Variants in TMEM132D observed in about 807,000 individuals in gnomAD.
TMEM132D encodes the protein mature OL transmembrane protein.
TMEM132D carries 21 observed loss-of-function variants against 62.3 expected under a neutral mutation model. That is an observed-to-expected ratio of 0.34 (90% CI 0.24 to 0.49). The LOEUF (loss-of-function observed/expected upper bound fraction) is 0.49. Ranked by LOEUF, TMEM132D falls within the 20% of genes least tolerant of loss-of-function variation. The probability of loss-of-function intolerance (pLI) is 0.99; values close to 1 mark genes in which losing one functional copy is unlikely to be tolerated. For missense variants in TMEM132D, 1,346 were observed against 1,402.8 expected, an observed-to-expected ratio of 0.96 and a Z score of 0.65; for synonymous variants, 621 against 575.6, an observed-to-expected ratio of 1.08 and a Z score of -1.13.
At chr12:129,577,931 G>C (rs897548668) in intron 2 of TMEM132D, among the ~76,000 whole-genome samples, 3 of 152,234 alleles carry the variant, frequency 2.0e-5, no homozygotes, top group Admixed American at 6.5e-5. Flanking sequence ...ACAAGCTGGA[G>C]AGATTAGCAT....
chr12:129,565,051 A>G (rs1431003471), intron 2 of TMEM132D, among the ~76,000 whole-genome samples: 1 of 152,230 alleles, frequency 6.6e-6, no homozygotes, highest in Non-Finnish European at 1.5e-5. Context: ...GGCTAGCCAC[A>G]TGCTGATGAG....
intron 5 of TMEM132D, among the ~76,000 whole-genome samples, chr12:129,207,548 A>T (rs1446069302): frequency 6.6e-6 from 1 of 152,156 alleles, no homozygotes; most frequent in South Asian, 2.1e-4. Flanking sequence ...CCGTACAGGC[A>T]TCCAGGGAAA....
intron 3 of TMEM132D, among the ~76,000 whole-genome samples, chr12:129,389,320 T>C (rs1470634854): frequency 6.6e-6 from 1 of 151,860 alleles, no homozygotes. Context: ...CAAACACTAA[T>C]ATTAACACAA....
At chr12:129,587,378 T>C (rs1260990098) in intron 2 of TMEM132D, among the ~76,000 whole-genome samples, 2 of 152,094 alleles carry the variant, frequency 1.3e-5, no homozygotes, top group Non-Finnish European at 2.9e-5. Context: ...GGATACACAC[T>C]GGGCCTATGT....
intron 2 of TMEM132D, among the ~76,000 whole-genome samples, chr12:129,650,180 T>C (rs1156578720): frequency 6.6e-6 from 1 of 152,236 alleles, no homozygotes; most frequent in Non-Finnish European, 1.5e-5. Context: ...ATTTTATATA[T>C]AATTGTTTTG....
Position 129,560,339 on chromosome 12 carries a change from G to A in TMEM132D, c.969-29134C>T, listed in dbSNP as rs891196572. ...GGCTGGAGTGCAGTGGCACGATCTCGGCTCACCACAACCTCCACTTCCCAG... is the reference window on the plus strand; with the variant it reads ...GGCTGGAGTGCAGTGGCACGATCTCAGCTCACCACAACCTCCACTTCCCAG... On this transcript the variant is annotated intron_variant, in intron 2 of 8. Transcript: ENST00000422113. Among the ~76,000 whole-genome samples, 7 of 149,342 alleles carry A rather than the reference G, an allele frequency of 4.7e-5. No homozygotes were observed. In the South Asian group the frequency reaches 1.1e-3, roughly 23 times the overall value.
In TMEM132D at chr12:129,074,690, T is replaced by C. The variant is rs748181212; in HGVS notation, c.2485A>G (p.Lys829Glu). 1.9e-6 allele frequency: 3 copies of C among 1,614,190 alleles called. No individual in the cohort carries two copies. Among genetic ancestry groups the C allele is most frequent in the South Asian group, 2.2e-5 (2 of 91,078 alleles). ...ENNVSDRRPK[K>E]PSQEWGSQEG... ...TGACTCCCCCATTCCTGCGAGGGTT[T>C]TTTGGGCCTTCTGTCACTGACATTG... is the stretch of plus-strand genomic sequence containing the variant. The change falls in exon 9 of 9, where the codon AAA (lysine) becomes GAA (glutamate). Residue 829 changes from lysine to glutamate, a missense_variant. Physicochemically the swap from Lys to Glu is moderately conservative, Grantham distance 56. Transcript: ENST00000422113.
intron 1 of TMEM132D, among the ~76,000 whole-genome samples, chr12:129,861,586 C>A (rs1180063666): frequency 2.0e-5 from 3 of 151,998 alleles, no homozygotes; most frequent in Non-Finnish European, 4.4e-5. Flanking sequence ...CATGGCGAAA[C>A]CCCATCTCTA....
chr12:129,309,323 G>C (rs760538574), intron 4 of TMEM132D, among the ~76,000 whole-genome samples: 5 of 152,078 alleles, frequency 3.3e-5, no homozygotes, highest in Non-Finnish European at 5.9e-5. Context: ...CAAAGGGAAG[G>C]CATAGTCCAA....
At chr12:129,576,456 G>A (rs950773917) in intron 2 of TMEM132D, among the ~76,000 whole-genome samples, 3 of 151,686 alleles carry the variant, frequency 2.0e-5, no homozygotes, top group Non-Finnish European at 4.4e-5. Context: ...GTGTATAGGT[G>A]TGTATAAACA....
intron 2 of TMEM132D, among the ~76,000 whole-genome samples, chr12:129,556,630 T>C (rs544348717): frequency 6.6e-6 from 1 of 152,354 alleles, no homozygotes; most frequent in African/African-American, 2.4e-5. Context: ...TTTTTATACC[T>C]GGTAGTCCAA....
chr12:129,845,026 G>A (rs996696116), intron 1 of TMEM132D, among the ~76,000 whole-genome samples: 1 of 152,150 alleles, frequency 6.6e-6, no homozygotes, highest in African/African-American at 2.4e-5. Context: ...CACGGAGCCA[G>A]CTGGTAAAAT....
intron 1 of TMEM132D, among the ~76,000 whole-genome samples, chr12:129,895,673 T>C (rs995275231): frequency 6.6e-6 from 1 of 152,170 alleles, no homozygotes; most frequent in Non-Finnish European, 1.5e-5. Flanking sequence ...TAGGACAGAG[T>C]GTCTTCATTT....
At chr12:129,822,898 C>T (rs1872574432) in intron 1 of TMEM132D, among the ~76,000 whole-genome samples, 1 of 152,186 alleles carries the variant, frequency 6.6e-6, no homozygotes, top group African/African-American at 2.4e-5. Flanking sequence ...TTCACACTGA[C>T]ATGGTTTGGC....
chr12:129,518,846 G>C (rs1297499395), intron 3 of TMEM132D, among the ~76,000 whole-genome samples: 1 of 151,916 alleles, frequency 6.6e-6, no homozygotes, highest in Non-Finnish European at 1.5e-5. Flanking sequence ...ACCGTGCTTA[G>C]GTATAATACT....
intron 3 of TMEM132D, among the ~76,000 whole-genome samples, chr12:129,505,442 G>A (rs371122245): frequency 2.1e-4 from 32 of 151,998 alleles, no homozygotes; most frequent in Non-Finnish European, 3.1e-4. Flanking sequence ...ATGGGGTTTC[G>A]CCATGTTAGC....
chr12:129,488,815 C>T (rs903589835), intron 3 of TMEM132D, among the ~76,000 whole-genome samples: 4 of 151,810 alleles, frequency 2.6e-5, no homozygotes, highest in Admixed American at 2.0e-4. Flanking sequence ...CATGAGCAAA[C>T]TTTGCATGGT....
chr12:129,353,252 C>T (rs934330073), intron 3 of TMEM132D, among the ~76,000 whole-genome samples: 1 of 152,046 alleles, frequency 6.6e-6, no homozygotes, highest in African/African-American at 2.4e-5. Flanking sequence ...ATTCAGTAAA[C>T]AATAGCATTA....
At chr12:129,298,637 C>G (rs183005670) in intron 4 of TMEM132D, among the ~76,000 whole-genome samples, 5 of 152,320 alleles carry the variant, frequency 3.3e-5, no homozygotes, top group African/African-American at 4.8e-5. Flanking sequence ...TCTGGCTCCC[C>G]TATTTCTGGT....
Sources: gnomAD v4.1 joint callset for allele counts (sites outside exome capture counted in the v4.1 genomes callset) on GRCh38, gnomAD v4.1.1 for gene constraint, MANE v1.5 for transcripts, NCBI Gene and HGNC (gene_info 2026-07-23, HGNC 2026-07-21) for gene names.